Variants in EYA1 observed in about 807,000 individuals in gnomAD.
The protein encoded by EYA1 is EYA transcriptional coactivator and phosphatase 1, also known as protein phosphatase EYA1.
EYA1 carries 16 observed loss-of-function variants against 82.0 expected under a neutral mutation model. That is an observed-to-expected ratio of 0.20 (90% CI 0.13 to 0.30). The LOEUF is 0.30. Ranked by LOEUF, EYA1 falls within the 10% of genes least tolerant of loss-of-function variation. The probability of loss-of-function intolerance (pLI) is 1.00; values close to 1 mark genes in which losing one functional copy is unlikely to be tolerated. For synonymous variants in EYA1, 261 were observed against 264.4 expected (o/e 0.99, Z 0.12); for missense variants, 633 against 730.7 (o/e 0.87, Z 1.54).
chr8:71,392,381 C>T (rs1026573882), intron 2 of EYA1, among the ~76,000 whole-genome samples: 1 of 152,150 alleles, frequency 6.6e-6, no homozygotes, highest in Non-Finnish European at 1.5e-5. Flanking sequence ...AGACCACCTT[C>T]AGGTTAAAGC....
chr8:71,459,726 T>C (rs1001845674), intron 2 of EYA1, among the ~76,000 whole-genome samples: 1 of 152,092 alleles, frequency 6.6e-6, no homozygotes, highest in Non-Finnish European at 1.5e-5. Flanking sequence ...TAGTTATGTG[T>C]TTTTTATTTG....
At chr8:71,422,958 T>C (rs767924361) in intron 2 of EYA1, among the ~76,000 whole-genome samples, 1 of 152,118 alleles carries the variant, frequency 6.6e-6, no homozygotes, top group Non-Finnish European at 1.5e-5. Context: ...AGGGCAAAAA[T>C]GATTATTCTC....
intron 2 of EYA1, among the ~76,000 whole-genome samples, chr8:71,464,702 C>T (rs572460614): frequency 6.6e-6 from 1 of 152,272 alleles, no homozygotes; most frequent in South Asian, 2.1e-4. Context: ...TAATCCTCAA[C>T]TTATTATAAA....
intron 2 of EYA1, among the ~76,000 whole-genome samples, chr8:71,503,022 T>C (rs898315187): frequency 6.6e-6 from 1 of 152,240 alleles, no homozygotes; most frequent in African/African-American, 2.4e-5. Flanking sequence ...ATTATACGTA[T>C]GATACTGAAT....
chr8:71,349,749 C>T (rs768112404), intron 3 of EYA1, among the ~76,000 whole-genome samples: 3 of 152,168 alleles, frequency 2.0e-5, no homozygotes, highest in Non-Finnish European at 2.9e-5. Context: ...GTTCACACAG[C>T]CAGCAAATAG....
At chr8:71,537,960 A>T (rs1814839888) in intron 1 of EYA1, among the ~76,000 whole-genome samples, 1 of 152,218 alleles carries the variant, frequency 6.6e-6, no homozygotes, top group Non-Finnish European at 1.5e-5. Context: ...AGAAGTCAAA[A>T]CAGTCAGCAT....
intron 17 of EYA1, chr8:71,200,065 CAAGGGG>C (rs1410201455): frequency 6.4e-6 from 1 of 156,204 alleles, no homozygotes; most frequent in African/African-American, 2.4e-5. Context: ...GTGAATAAAC[CAAGGGG>C]AAGAACTCAG....
At chr8:71,268,091 T>C (rs1304881248) in intron 11 of EYA1, among the ~76,000 whole-genome samples, 2 of 152,248 alleles carry the variant, frequency 1.3e-5, no homozygotes, top group African/African-American at 4.8e-5. Context: ...TGGCCAAAGA[T>C]TGAAAGTTCA....
intron 2 of EYA1, among the ~76,000 whole-genome samples, chr8:71,381,450 G>A (rs184499145): frequency 1.2e-3 from 183 of 152,264 alleles, no homozygotes; most frequent in Admixed American, 3.0e-3. Flanking sequence ...AACGCCGGTG[G>A]AAGAAAAAGG....
intron 2 of EYA1, among the ~76,000 whole-genome samples, chr8:71,493,901 T>C (rs1443058681): frequency 6.8e-6 from 1 of 146,180 alleles, no homozygotes; most frequent in Admixed American, 6.8e-5. Flanking sequence ...CGGGCGCCTG[T>C]AGTCCCAGCT....
At position 71,469,101 on chromosome 8, in the gene EYA1, T is replaced by C. The variant is rs541349061; in HGVS notation, c.33+66643A>G. 9.9e-5 allele frequency among the ~76,000 whole-genome samples: 15 copies of C among 152,190 alleles called. No homozygotes were observed. In the South Asian group the frequency reaches 2.5e-3, roughly 25 times the overall value. On this transcript the variant is annotated intron_variant, in intron 2 of 18. Coordinates refer to the EYA1 transcript ENST00000643681. ...GTTCATTCATTTATTCTTTTATTAA[T>C]TCAATCTAATTATAACATATAGTAT...
intron 2 of EYA1, among the ~76,000 whole-genome samples, chr8:71,436,707 A>G (rs1224348109): frequency 6.6e-6 from 1 of 152,162 alleles, no homozygotes; most frequent in African/African-American, 2.4e-5. Flanking sequence ...ATTAGTCAGA[A>G]CTGCTAATGA....
At chr8:71,203,439 A>G (rs1020367736) in intron 17 of EYA1, among the ~76,000 whole-genome samples, 1 of 152,166 alleles carries the variant, frequency 6.6e-6, no homozygotes, top group Admixed American at 6.5e-5. Flanking sequence ...AAATTCAGAG[A>G]GAAGAGAGCT....
At chr8:71,425,563 C>A (rs1000544325) in intron 2 of EYA1, among the ~76,000 whole-genome samples, 10 of 151,996 alleles carry the variant, frequency 6.6e-5, no homozygotes, top group African/African-American at 2.4e-4. Flanking sequence ...CTGCACACAA[C>A]CATAAGGGGG....
intron 2 of EYA1, among the ~76,000 whole-genome samples, chr8:71,409,745 C>A (rs1349345299): frequency 3.7e-5 from 4 of 109,096 alleles, no homozygotes; most frequent in Admixed American, 2.8e-4. Context: ...GTTTACCAAC[C>A]AAAAAGAGTC....
intron 11 of EYA1, among the ~76,000 whole-genome samples, chr8:71,248,335 C>A (rs187020704): frequency 1.1e-3 from 173 of 152,334 alleles, no homozygotes; most frequent in African/African-American, 4.1e-3. Flanking sequence ...CAGTATTTTT[C>A]AGACATCTTT....
intron 2 of EYA1, among the ~76,000 whole-genome samples, chr8:71,397,368 A>T (rs1447889293): frequency 1.3e-5 from 2 of 152,194 alleles, no homozygotes; most frequent in Non-Finnish European, 1.5e-5. Flanking sequence ...TAGTTGATGC[A>T]GTTTCTTCCT....
chr8:71,536,145 T>C (rs2129288527), intron 1 of EYA1, among the ~76,000 whole-genome samples: 1 of 152,322 alleles, frequency 6.6e-6, no homozygotes, highest in Middle Eastern at 3.4e-3. Flanking sequence ...GCACACATTA[T>C]TTTTGAGCCA....
chr8:71,505,284 G>C (rs1812115403), intron 2 of EYA1, among the ~76,000 whole-genome samples: 1 of 152,168 alleles, frequency 6.6e-6, no homozygotes, highest in Non-Finnish European at 1.5e-5. Context: ...AAGTTCACTA[G>C]GCGATTCTTA....
Sources: allele counts gnomAD v4.1 joint callset (sites outside exome capture counted in the v4.1 genomes callset), GRCh38; gene constraint gnomAD v4.1.1; transcripts MANE v1.5; gene names NCBI Gene and HGNC (gene_info 2026-07-23, HGNC 2026-07-21).